Variants in RBM7 observed in about 807,000 individuals in gnomAD.
RBM7 encodes the protein RNA binding motif protein 7, also known as RNA-binding protein 7.
RBM7 carries 13 observed loss-of-function variants against 31.0 expected under a neutral mutation model. That is an observed-to-expected ratio of 0.42 (90% CI 0.27 to 0.67). The LOEUF (loss-of-function observed/expected upper bound fraction) is 0.67, where lower values mean the gene tolerates loss of function less well. RBM7 is among the 30% of genes least tolerant of loss of function. The pLI is 0.24. For missense variants in RBM7, 245 were observed against 326.2 expected (o/e 0.75, Z 1.92); for synonymous variants, 106 against 111.2 (o/e 0.95, Z 0.30).
intron 4 of RBM7, chr11:114,407,190 C>A: frequency 3.1e-6 from 1 of 324,838 alleles, no homozygotes; most frequent in Non-Finnish European, 5.6e-6. Flanking sequence ...TTGTTTTTTA[C>A]ACAGTGATTT....
chr11:114,404,581 T>A lies in RBM7; in HGVS notation c.348-1125T>A, dbSNP rs569923015. 5.9e-5 allele frequency among the ~76,000 whole-genome samples: 9 copies of A among 152,258 alleles called. No individual in the cohort carries two copies. The East Asian group carries it at 1.7e-3, about 29-fold the overall frequency. On this transcript the variant is annotated intron_variant, in intron 3 of 4. Coordinates refer to ENST00000375490, the MANE Select transcript of RBM7 (RefSeq NM_001286045.2). Reference sequence around the variant, plus strand: ...AACCAGGTGCAGTGACCCATTCGTATAGTCCCAGCTACTTGGAAGGCTGTG... The same window carrying A: ...AACCAGGTGCAGTGACCCATTCGTAAAGTCCCAGCTACTTGGAAGGCTGTG...
intron 3 of RBM7, 120 bp from the exon 4 acceptor site, chr11:114,405,586 A>C (rs1027345545): frequency 3.9e-6 from 2 of 512,732 alleles, no homozygotes; most frequent in Non-Finnish European, 6.6e-6. Context: ...TTCTGGCTGC[A>C]TGAGAGCAGA....
In RBM7 at chr11:114,407,674, G is replaced by T. The variant is rs376078417; in HGVS notation, c.671G>T (p.Gly224Val). 1.1e-4 allele frequency: 177 copies of T among 1,613,966 alleles called. No individual in the cohort carries two copies. The highest frequency in any genetic ancestry group is 1.3e-4 in the Non-Finnish European group (156 of 1,180,016). The change falls in exon 5 of 5, where the codon GGG becomes GTG. Residue 224 changes from glycine to valine, a missense_variant. Coordinates refer to ENST00000375490, the MANE Select transcript of RBM7 (RefSeq NM_001286045.2). ...YSREQRYTDH[G>V]SDHHYRGKRD... is the part of the protein sequence containing the mutation. ...CGGGAACAGCGTTACACTGATCATG[G>T]GTCTGACCATCATTACAGAGGAAAG...
intron 3 of RBM7, 112 bp from the exon 4 acceptor site, chr11:114,405,594 A>G: frequency 1.8e-6 from 1 of 565,604 alleles, no homozygotes; most frequent in Non-Finnish European, 3.0e-6. Flanking sequence ...GCATGAGAGC[A>G]GATACCTTTC....
At chr11:114,406,269 A>G (rs1001717616) in intron 4 of RBM7, 1 of 152,246 alleles carries the variant, frequency 6.6e-6, no homozygotes, top group African/African-American at 2.4e-5. Flanking sequence ...CATCTTTGTC[A>G]TCATTTGTTC....
Position 114,407,477 on chromosome 11 carries a change from T to C in RBM7, c.474T>C (p.Gly158=). 1 of 1,613,754 alleles carries C rather than the reference T, an allele frequency of 6.2e-7. No individual in the cohort carries two copies. ...GTGCTTTGAGACAAATGTCATATGG[T>C]GGAAAATTTGGTTCTTCACCTCTGG... ...MNSALRQMSY[G]GKFGSSPLDQ... is the part of the protein sequence containing the mutation. Residue 158 remains glycine, a synonymous_variant, in exon 5 of 5, where the codon GGT becomes GGC. Coordinates refer to ENST00000375490, the MANE Select transcript of RBM7 (RefSeq NM_001286045.2).
chr11:114,401,789 T>C lies in RBM7; in HGVS notation c.188T>C (p.Val63Ala). Residue 63 changes from valine (V) to alanine (A), a missense_variant, in exon 2 of 5, where the codon GTT becomes GCT. Coordinates refer to ENST00000375490, the MANE Select transcript of RBM7 (RefSeq NM_001286045.2). ...GTGAATTTCAAACATGAAGTGTCTG[T>C]TCCTTATGCAATGAATCTACTTAAT... ...AFVNFKHEVSVPYAMNLLNGI... is the reference protein window; with the variant it reads ...AFVNFKHEVSAPYAMNLLNGI... 8 of 1,589,856 alleles carry C rather than the reference T, an allele frequency of 5.0e-6. No homozygotes were observed. Among genetic ancestry groups the C allele is most frequent in the Non-Finnish European group, 6.8e-6 (8 of 1,171,496 alleles).
At chr11:114,403,009 C>T in intron 3 of RBM7, 94 bp downstream of exon 3, 1 of 1,050,146 alleles carries the variant, frequency 9.5e-7, no homozygotes, top group South Asian at 1.3e-5. Flanking sequence ...CTTCATTATT[C>T]TCTTATCTCT....
In RBM7 at chr11:114,407,502, G is replaced by T. The variant is rs758051944; in HGVS notation, c.499G>T (p.Asp167Tyr). Residue 167 changes from aspartate (D) to tyrosine (Y), a missense_variant, in exon 5 of 5, where the codon GAT (aspartate) becomes TAT (tyrosine). Coordinates refer to ENST00000375490, the MANE Select transcript of RBM7 (RefSeq NM_001286045.2). ...YGGKFGSSPL[D>Y]QSGFSPSVQS... ...TGGAAAATTTGGTTCTTCACCTCTG[G>T]ATCAATCAGGATTTTCACCATCAGT... is the stretch of plus-strand genomic sequence containing the variant. The T allele has an allele frequency of 6.2e-6, 10 of 1,614,078 alleles. No individual in the cohort carries two copies. In the South Asian group the frequency reaches 1.1e-4, roughly 18 times the overall value.
rs1325925556 is a variant in RBM7, at chr11:114,410,377, C to A, written c.*2570C>A. ...ACTTAACCTAGTATTTTCTACCTTT[C>A]CCCATCTAAAATAAAATTTTTATAC... On this transcript the variant is annotated 3_prime_UTR_variant, in exon 5 of 5. Coordinates refer to ENST00000375490, the MANE Select transcript of RBM7 (RefSeq NM_001286045.2). 2.0e-5 allele frequency: 3 copies of A among 152,100 alleles called. No homozygotes were observed. The highest frequency in any genetic ancestry group is 4.4e-5 in the Non-Finnish European group (3 of 68,024). 9.4% of individuals were successfully genotyped at this position (152,100 alleles called of 1,614,324 possible).
chr11:114,403,030 G>C (rs142007228), intron 3 of RBM7, 115 bp downstream of exon 3: 1 of 913,572 alleles, frequency 1.1e-6, no homozygotes, highest in Non-Finnish European at 1.7e-6. Flanking sequence ...TCATTCTGCC[G>C]TTATTACTTG....
rs386374969 is a variant in RBM7 at position 114,409,376 on chromosome 11, G to GT, written c.*1579dup. The GT allele has an allele frequency of 4.9e-4, 73 of 148,384 alleles. No individual in the cohort carries two copies. Among genetic ancestry groups the GT allele is most frequent in the African/African-American group, 5.2e-4 (21 of 40,554 alleles). 9.2% of individuals were successfully genotyped at this position (148,384 alleles called of 1,614,324 possible). A position where few individuals can be genotyped will look rare whatever the true frequency, so the allele number is the denominator to read the frequency against. ...AGATTAATACTGCATGTTTGTTTTTGTTTTTTTTTTGAGACAGAGTCTTGC... is the reference window on the plus strand; with the variant it reads ...AGATTAATACTGCATGTTTGTTTTTGTTTTTTTTTTTGAGACAGAGTCTTGC... On this transcript the variant is annotated 3_prime_UTR_variant, in exon 5 of 5. Transcript: ENST00000375490.
At chr11:114,401,552 C>T in intron 1 of RBM7, 146 bp from the exon 2 acceptor site, 1 of 684,468 alleles carries the variant, frequency 1.5e-6, no homozygotes, top group Non-Finnish European at 2.3e-6. Flanking sequence ...TTTACTGTAG[C>T]CAAAATGGAA....
Position 114,400,705 on chromosome 11 carries a change from C to T in RBM7, c.34C>T (p.Leu12Phe). The change falls in exon 1 of 5, where the codon CTC becomes TTC. Residue 12 changes from leucine (L) to phenylalanine (F), a missense_variant. Leu to Phe is a conservative substitution (Grantham distance 22, BLOSUM62 0). Transcript: ENST00000375490. ...GGCGGCGGCGGAAGCGGATCGCACT[C>T]TCTTTGTGGGCAACCTTGAAACGAA... ...GAAAAEADRT[L>F]FVGNLETKVT... 6.2e-7 allele frequency: 1 copy of T among 1,614,258 alleles called. No homozygotes were observed.
intron 2 of RBM7, 58 bp downstream of exon 2, chr11:114,401,918 T>G (rs1946207546): frequency 6.7e-7 from 1 of 1,486,634 alleles, no homozygotes; most frequent in African/African-American, 1.5e-5. Context: ...AATTTATTAT[T>G]CAGTTTTAAA....
chr11:114,400,854 C>T lies in RBM7; in HGVS notation c.96+87C>T, dbSNP rs1191272413. ...GGCCACCCCGTTTTCTTTTCGTAGC[C>T]GTCAGGGGACCCGACGGGTGGCTGT... On this transcript the variant is annotated intron_variant, in intron 1 of 4. Coordinates refer to ENST00000375490, the MANE Select transcript of RBM7 (RefSeq NM_001286045.2). The T allele has an allele frequency of 3.4e-6, 5 of 1,490,756 alleles. No individual in the cohort carries two copies. In the South Asian group the frequency reaches 3.6e-5, roughly 11 times the overall value. The allele number at this position is 1,490,756 out of a possible 1,614,324, so 92.3% of individuals were successfully genotyped here.
At position 114,410,279 on chromosome 11, in the gene RBM7, TG is replaced by T. The variant is rs1565263594; in HGVS notation, c.*2473del. ...GTTTGGAAGCCATTTTGTGTTACTGTGTGACTTTCTTTTACTCAAAAACAGC... is the reference window on the plus strand; with the variant it reads ...GTTTGGAAGCCATTTTGTGTTACTGTTGACTTTCTTTTACTCAAAAACAGC... On this transcript the variant is annotated 3_prime_UTR_variant, in exon 5 of 5. Coordinates refer to ENST00000375490, the MANE Select transcript of RBM7 (RefSeq NM_001286045.2). The T allele has an allele frequency of 6.6e-6, 1 of 152,208 alleles. No individual in the cohort carries two copies. Among genetic ancestry groups the T allele is most frequent in the Non-Finnish European group, 1.5e-5 (1 of 68,034 alleles). 9.4% of individuals were successfully genotyped at this position (152,208 alleles called of 1,614,324 possible). A position where few individuals can be genotyped will look rare whatever the true frequency, so the allele number is the denominator to read the frequency against.
Position 114,402,382 on chromosome 11 carries a change from C to CTTTTTTTTT in RBM7, c.260-415_260-407dup, listed in dbSNP as rs71063570. 1.8e-4 allele frequency among the ~76,000 whole-genome samples: 9 copies of CTTTTTTTTT among 50,162 alleles called. 1 individual carries two copies. The highest frequency in any genetic ancestry group is 3.0e-4 in the Admixed American group (1 of 3,288). The allele number at this position is 50,162 out of a possible 152,430, so 32.9% of individuals were successfully genotyped here. A position where few individuals can be genotyped will look rare whatever the true frequency, so the allele number is the denominator to read the frequency against. ...AAGCGGTCTACAGCAGCTTGAGATTCTTTTTTTTTTTTTTTTTTTTTTTTT... is the reference window on the plus strand; with the variant it reads ...AAGCGGTCTACAGCAGCTTGAGATTCTTTTTTTTTTTTTTTTTTTTTTTTTTTTTTTTTT... On this transcript the variant is annotated intron_variant, in intron 2 of 4. Coordinates refer to ENST00000375490, the MANE Select transcript of RBM7 (RefSeq NM_001286045.2).
rs547208464 is a variant in RBM7, at chr11:114,405,718, G to C, written c.360G>C (p.Arg120Ser). 6.3e-7 allele frequency: 1 copy of C among 1,586,490 alleles called. No homozygotes were observed. The highest frequency in any genetic ancestry group is 8.5e-7 in the Non-Finnish European group (1 of 1,169,862). ...TSTSPSSRYE[R>S]TMDNMTSSAQ... ...GTTTTCTTTTTAGCAGGTACGAAAG[G>C]ACTATGGATAACATGACTTCATCAG... Residue 120 changes from arginine to serine, a missense_variant, in exon 4 of 5, where the codon AGG becomes AGC. Physicochemically the swap from Arg to Ser is moderately radical, Grantham distance 110. Transcript: ENST00000375490.
Sources: gnomAD v4.1 joint callset for allele counts (sites outside exome capture counted in the v4.1 genomes callset) on GRCh38, gnomAD v4.1.1 for gene constraint, MANE v1.5 for transcripts, NCBI Gene and HGNC (gene_info 2026-07-23, HGNC 2026-07-21) for gene names.